RIOK1: variants seen among roughly 807,000 people sequenced by gnomAD.
RIOK1 encodes serine/threonine-protein kinase RIO1.
A neutral mutation model predicts 73.5 loss-of-function variants in RIOK1; 66 were observed. The ratio of observed to expected loss-of-function variants is 0.90; its 90% CI spans 0.74 to 1.10. The LOEUF (loss-of-function observed/expected upper bound fraction) is 1.10, where lower values mean the gene tolerates loss of function less well. RIOK1 is among the 50% of genes least tolerant of loss of function. The pLI, the probability that RIOK1 is intolerant of heterozygous loss-of-function variation, is 0.00. For missense variants in RIOK1, 658 were observed against 699.8 expected, an observed-to-expected ratio of 0.94 and a Z score of 0.67; for synonymous variants, 224 against 226.8, an observed-to-expected ratio of 0.99 and a Z score of 0.11.
intron 16 of RIOK1, among the ~76,000 whole-genome samples, chr6:7,416,132 C>T (rs1350093336): frequency 6.6e-6 from 1 of 152,098 alleles, no homozygotes; most frequent in Non-Finnish European, 1.5e-5. Flanking sequence ...ATTATTATTC[C>T]ATCTTAGTCT....
At chr6:7,401,253 G>GT (rs1761604760) in intron 6 of RIOK1, among the ~76,000 whole-genome samples, 1 of 152,224 alleles carries the variant, frequency 6.6e-6, no homozygotes, top group Middle Eastern at 3.2e-3. Context: ...AGTCTAACTA[G>GT]TTGTGCCCAG....
chr6:7,410,372 G>T lies in RIOK1; in HGVS notation c.1204-14G>T, dbSNP rs1387747141. 6.3e-7 allele frequency: 1 copy of T among 1,596,742 alleles called. No individual in the cohort carries two copies. Among genetic ancestry groups the T allele is most frequent in the Non-Finnish European group, 8.6e-7 (1 of 1,165,448 alleles). On this transcript the variant is annotated splice_polypyrimidine_tract_variant and intron_variant, in intron 12 of 16. Transcript: ENST00000379834. Reference sequence around the variant, plus strand: ...TTGAATATAAAAGAAAGTCATTTTTGTTTTCTTTCCAAGGCCATGGAAATA... The same window carrying T: ...TTGAATATAAAAGAAAGTCATTTTTTTTTTCTTTCCAAGGCCATGGAAATA...
At position 7,401,066 on chromosome 6, in the gene RIOK1, G is replaced by A. The variant is rs1279165658; in HGVS notation, c.573+16G>A. On this transcript the variant is annotated intron_variant, in intron 6 of 16. Coordinates refer to ENST00000379834, the MANE Select transcript of RIOK1 (RefSeq NM_031480.3). ...AGGAAAAGAAGTGAGCTCTTCTTTG[G>A]ATGATTGGATATTTAATTTTCTTAT... 4.8e-6 allele frequency: 7 copies of A among 1,468,276 alleles called. No individual in the cohort carries two copies. Among genetic ancestry groups the A allele is most frequent in the Non-Finnish European group, 6.6e-6 (7 of 1,052,962 alleles). 91.0% of individuals were successfully genotyped at this position (1,468,276 alleles called of 1,614,324 possible).
chr6:7,417,244 T>C, intron 16 of RIOK1, 87 bp from the exon 17 acceptor site: 4 of 791,924 alleles, frequency 5.1e-6, no homozygotes, highest in Non-Finnish European at 7.9e-6. Context: ...AGCAAGACCC[T>C]GTCTAAAAAA....
intron 12 of RIOK1, among the ~76,000 whole-genome samples, chr6:7,408,973 G>A (rs1446290954): frequency 3.3e-5 from 5 of 151,352 alleles, no homozygotes; most frequent in Admixed American, 6.6e-5. Context: ...CATCCGCCTC[G>A]GCCTCCCAAA....
intron 14 of RIOK1, among the ~76,000 whole-genome samples, chr6:7,412,651 CAAAAA>C (rs35985238): frequency 8.1e-6 from 1 of 123,440 alleles, no homozygotes; most frequent in African/African-American, 3.4e-5. Flanking sequence ...GACTCCGTCT[CAAAAA>C]AAAAAAAAAA....
intron 16 of RIOK1, among the ~76,000 whole-genome samples, chr6:7,416,307 T>C (rs552263471): frequency 6.6e-6 from 1 of 152,352 alleles, no homozygotes; most frequent in Non-Finnish European, 1.5e-5. Context: ...TGCAAACATT[T>C]AATAACATTC....
chr6:7,412,823 A>C (rs1180886321), intron 14 of RIOK1, 66 bp from the exon 15 acceptor site: 46 of 720,718 alleles, frequency 6.4e-5, no homozygotes, highest in Non-Finnish European at 9.1e-5. Context: ...TAATAGTGCA[A>C]TATGCATATT....
Position 7,412,903 on chromosome 6 carries a change from T to C in RIOK1, c.1404T>C (p.Thr468=). ...TTGGTTATAAGATTCTATACCAGACTGTTACAGGATTGAAGAAAGATTTGT... is the reference window on the plus strand; with the variant it reads ...TTGGTTATAAGATTCTATACCAGACCGTTACAGGATTGAAGAAAGATTTGT... The part of the protein sequence containing the change: ...NAQQDNILYQ[T]VTGLKKDLSG... The change falls in exon 15 of 17, where the codon ACT becomes ACC. Residue 468 remains threonine (T), a synonymous_variant. Transcript: ENST00000379834. 1 of 1,547,508 alleles carries C rather than the reference T, an allele frequency of 6.5e-7. No individual in the cohort carries two copies. Among genetic ancestry groups the C allele is most frequent in the Non-Finnish European group, 8.7e-7 (1 of 1,148,622 alleles).
intron 16 of RIOK1, 63 bp from the exon 17 acceptor site, chr6:7,417,268 A>ACAAAAT: frequency 8.6e-7 from 1 of 1,169,392 alleles, no homozygotes; most frequent in South Asian, 1.5e-5. Flanking sequence ...AAAACAAAAA[A>ACAAAAT]CAAAAACAAA....
chr6:7,410,122 A>T (rs2113525580), intron 12 of RIOK1, among the ~76,000 whole-genome samples: 1 of 152,322 alleles, frequency 6.6e-6, no homozygotes, highest in East Asian at 1.9e-4. Context: ...TAGTAAAAGT[A>T]GCATAACTTT....
At chr6:7,415,423 AG>A (rs1386324763) in intron 16 of RIOK1, among the ~76,000 whole-genome samples, 1 of 152,178 alleles carries the variant, frequency 6.6e-6, no homozygotes. Context: ...TAAAAGGAAA[AG>A]AATCATATGC....
chr6:7,412,791 A>T, intron 14 of RIOK1, 98 bp from the exon 15 acceptor site: 1 of 493,364 alleles, frequency 2.0e-6, no homozygotes, highest in Admixed American at 4.1e-5. Flanking sequence ...CATAGGAGAC[A>T]TTATTTAACC....
At chr6:7,412,861 A>C in intron 14 of RIOK1, 28 bp from the exon 15 acceptor site, 1 of 1,012,650 alleles carries the variant, frequency 9.9e-7, no homozygotes, top group Non-Finnish European at 1.4e-6. Flanking sequence ...GTTGATCCTT[A>C]TTTTTTTTTT....
chr6:7,416,629 C>CAGAG (rs1174871344), intron 16 of RIOK1, among the ~76,000 whole-genome samples: 3 of 135,076 alleles, frequency 2.2e-5, no homozygotes, highest in African/African-American at 8.0e-5. Context: ...GCCTGGGCGA[C>CAGAG]AGAGACTCCG....
intron 5 of RIOK1, 93 bp downstream of exon 5, chr6:7,398,833 T>G (rs1036794303): frequency 5.0e-6 from 5 of 999,002 alleles, no homozygotes; most frequent in Non-Finnish European, 7.6e-6. Context: ...TGCTTAATGC[T>G]AATGTTACCT....
chr6:7,394,209 G>A (rs141676614), intron 2 of RIOK1, among the ~76,000 whole-genome samples: 3,558 of 152,282 alleles, frequency 0.023, 62 homozygotes, highest in Middle Eastern at 0.041. Flanking sequence ...CGAGCTGGGC[G>A]GATCACCTGA....
chr6:7,397,721 T>C (rs1761507130), intron 4 of RIOK1, among the ~76,000 whole-genome samples: 1 of 152,250 alleles, frequency 6.6e-6, no homozygotes, highest in Non-Finnish European at 1.5e-5. Context: ...GTTATTTCAC[T>C]GGTATCTGTT....
chr6:7,397,030 G>C (rs1166742238), intron 4 of RIOK1, among the ~76,000 whole-genome samples: 3 of 152,112 alleles, frequency 2.0e-5, no homozygotes, highest in Admixed American at 6.6e-5. Context: ...TCAGAAGGCC[G>C]AGCTGTGGGG....
Sources: gnomAD v4.1 joint callset for allele counts (sites outside exome capture counted in the v4.1 genomes callset) on GRCh38, gnomAD v4.1.1 for gene constraint, MANE v1.5 for transcripts, NCBI Gene and HGNC (gene_info 2026-07-23, HGNC 2026-07-21) for gene names.